EPHA4: variants seen among roughly 807,000 people sequenced by gnomAD.
EPHA4 encodes EPH receptor A4.
Under a neutral mutation model 108.3 loss-of-function variants are expected in EPHA4, and 19 were observed. The observed-to-expected ratio is 0.18, with a 90% confidence interval of 0.12 to 0.26. The LOEUF is 0.26. Among genes scored for constraint, EPHA4 ranks in the 10% least tolerant of loss-of-function variants. The pLI, the probability that EPHA4 is intolerant of heterozygous loss-of-function variation, is 1.00. For synonymous variants in EPHA4, 449 were observed against 455.5 expected (o/e 0.99, Z 0.18); for missense variants, 917 against 1,254.0 (o/e 0.73, Z 4.06).
At chr2:221,541,058 C>T (rs913632124) in intron 3 of EPHA4, among the ~76,000 whole-genome samples, 1 of 151,666 alleles carries the variant, frequency 6.6e-6, no homozygotes, top group African/African-American at 2.4e-5. Flanking sequence ...GTGAGCCTCC[C>T]GCCTCAGCCT....
rs548498281 is a variant in EPHA4 at position 221,436,638 on chromosome 2, C to T, written c.2137-30G>A. On this transcript the variant is annotated intron_variant, in intron 12 of 17. Coordinates refer to ENST00000281821, the MANE Select transcript of EPHA4 (RefSeq NM_004438.5). ...ATAGAAAAGGAGTGAGGAACAATCT[C>T]ATTAGCATTAGGCCAAGTTAATTCT... 2.0e-5 allele frequency: 32 copies of T among 1,592,012 alleles called. No homozygotes were observed. In the South Asian group the frequency reaches 3.5e-4, roughly 18 times the overall value.
At chr2:221,508,554 G>C (rs1692704709) in intron 3 of EPHA4, among the ~76,000 whole-genome samples, 1 of 150,296 alleles carries the variant, frequency 6.7e-6, no homozygotes, top group South Asian at 2.1e-4. Flanking sequence ...ACTCCAGCCT[G>C]GGCAACAGAG....
Position 221,461,642 on chromosome 2 carries a change from G to C in EPHA4, c.1319-3652C>G, listed in dbSNP as rs376441413. On this transcript the variant is annotated intron_variant, in intron 5 of 17. Transcript: ENST00000281821. ...ATGAGCACCTATGGAACAAGGCCGA[G>C]AGGGGGAATGGGTAAGCATGGCCAG... Among the ~76,000 whole-genome samples the C allele has an allele frequency of 1.6e-4, 25 of 152,328 alleles. No individual in the cohort carries two copies. In the South Asian group the frequency reaches 4.8e-3, roughly 29 times the overall value.
intron 4 of EPHA4, among the ~76,000 whole-genome samples, chr2:221,496,710 C>G (rs1450339272): frequency 2.0e-5 from 3 of 152,130 alleles, no homozygotes; most frequent in Admixed American, 2.0e-4. Context: ...GAATTCAAGA[C>G]CAGCCTGGCC....
At chr2:221,533,079 G>C (rs1312125713) in intron 3 of EPHA4, 1 of 152,140 alleles carries the variant, frequency 6.6e-6, no homozygotes, top group African/African-American at 2.4e-5. Context: ...GATTAAAAGA[G>C]AAAGGTAAAT....
chr2:221,504,909 GT>G (rs1285417543), intron 3 of EPHA4, among the ~76,000 whole-genome samples: 2 of 152,290 alleles, frequency 1.3e-5, no homozygotes, highest in East Asian at 3.9e-4. Context: ...AAAAGGTTAA[GT>G]TACCTAGAGT....
intron 3 of EPHA4, among the ~76,000 whole-genome samples, chr2:221,534,740 T>G (rs767307861): frequency 2.0e-5 from 3 of 152,210 alleles, no homozygotes; most frequent in Non-Finnish European, 4.4e-5. Context: ...ATGCCCATAA[T>G]CAAACTCAAT....
rs778357844 is a variant in EPHA4, at chr2:221,563,937, A to G, written c.617T>C (p.Leu206Pro). The change falls in exon 3 of 18, where the codon CTC becomes CCC. Residue 206 changes from leucine to proline, a missense_variant. Leu to Pro is a moderately conservative substitution (Grantham distance 98, BLOSUM62 -3). Transcript: ENST00000281821. ...SVRVFYKKCP[L>P]TVRNLAQFPD... ...AAACTGGGCCAGATTGCGGACTGTG[A>G]GTGGACACTTTTTATAGAACACACG... is the stretch of plus-strand genomic sequence containing the variant. 6.2e-7 allele frequency: 1 copy of G among 1,614,034 alleles called. No homozygotes were observed. Among genetic ancestry groups the G allele is most frequent in the Non-Finnish European group, 8.5e-7 (1 of 1,180,042 alleles).
intron 6 of EPHA4, among the ~76,000 whole-genome samples, chr2:221,456,979 T>C (rs1024279923): frequency 6.6e-6 from 1 of 152,226 alleles, no homozygotes; most frequent in Admixed American, 6.5e-5. Context: ...AATTCAGGTA[T>C]GATTGTTATT....
intron 5 of EPHA4, among the ~76,000 whole-genome samples, chr2:221,459,539 C>T (rs1209490690): frequency 1.3e-5 from 2 of 151,498 alleles, no homozygotes; most frequent in Non-Finnish European, 2.9e-5. Context: ...TCATTAAGGC[C>T]CCCTTCTCCC....
At chr2:221,500,068 A>G (rs1381422840) in intron 4 of EPHA4, among the ~76,000 whole-genome samples, 3 of 152,084 alleles carry the variant, frequency 2.0e-5, no homozygotes, top group Non-Finnish European at 4.4e-5. Context: ...AAGCTAAAAT[A>G]TATGAAATGG....
intron 4 of EPHA4, among the ~76,000 whole-genome samples, chr2:221,490,676 C>T (rs184947649): frequency 1.3e-5 from 2 of 152,312 alleles, no homozygotes; most frequent in African/African-American, 4.8e-5. Context: ...CTGTAAAACC[C>T]TTCAACCCTT....
At chr2:221,525,591 C>A (rs939717532) in intron 3 of EPHA4, among the ~76,000 whole-genome samples, 1 of 152,138 alleles carries the variant, frequency 6.6e-6, no homozygotes, top group Non-Finnish European at 1.5e-5. Flanking sequence ...CTTGAGAGAG[C>A]AGGCGAGATG....
chr2:221,431,650 G>C (rs1335753888), intron 14 of EPHA4, among the ~76,000 whole-genome samples: 1 of 152,126 alleles, frequency 6.6e-6, no homozygotes, highest in Non-Finnish European at 1.5e-5. Context: ...GCATCGTGTT[G>C]ACTCTAGACT....
intron 3 of EPHA4, among the ~76,000 whole-genome samples, chr2:221,531,531 A>T (rs887065150): frequency 3.9e-5 from 6 of 152,180 alleles, no homozygotes; most frequent in Non-Finnish European, 7.3e-5. Context: ...AGATTGAACA[A>T]TAACAGAAAG....
At chr2:221,426,754 A>C (rs1689925194) in intron 15 of EPHA4, 135 bp from the exon 16 acceptor site, 2 of 758,152 alleles carry the variant, frequency 2.6e-6, no homozygotes, top group East Asian at 5.5e-5. Context: ...AATTGTTGTT[A>C]AATGTAACTA....
intron 3 of EPHA4, among the ~76,000 whole-genome samples, chr2:221,545,225 ATCACGAGGTCGAGG>A (rs1693956524): frequency 1.3e-4 from 3 of 22,868 alleles, no homozygotes; most frequent in Non-Finnish European, 2.6e-4. Flanking sequence ...AGGTGGGCGG[ATCACGAGGTCGAGG>A]TGGGCGGATC....
chr2:221,486,874 A>T (rs1691991281), intron 4 of EPHA4, among the ~76,000 whole-genome samples: 1 of 152,070 alleles, frequency 6.6e-6, no homozygotes, highest in Non-Finnish European at 1.5e-5. Context: ...TTAAAAACTA[A>T]TGAAGTCCTT....
intron 5 of EPHA4, among the ~76,000 whole-genome samples, chr2:221,469,372 T>TA (rs1179208781): frequency 6.6e-6 from 1 of 152,126 alleles, no homozygotes; most frequent in Non-Finnish European, 1.5e-5. Flanking sequence ...ATCTAATCAC[T>TA]ATAATACACA....
Sources: allele counts gnomAD v4.1 joint callset (sites outside exome capture counted in the v4.1 genomes callset), GRCh38; gene constraint gnomAD v4.1.1; transcripts MANE v1.5; gene names NCBI Gene and HGNC (gene_info 2026-07-23, HGNC 2026-07-21).